SYN3: variants seen among roughly 807,000 people sequenced by gnomAD.
SYN3 encodes synapsin III.
In SYN3, 35 loss-of-function variants were observed where a neutral mutation model predicts 65.8. The observed-to-expected ratio is 0.53, with a 90% CI of 0.41 to 0.70. The LOEUF (loss-of-function observed/expected upper bound fraction) is 0.70, where lower values mean the gene tolerates loss of function less well. Ranked by LOEUF, SYN3 falls within the 30% of genes least tolerant of loss-of-function variation. SYN3 has a pLI of 0.00. For missense variants in SYN3, 680 were observed against 749.0 expected, an observed-to-expected ratio of 0.91 and a Z score of 1.08; for synonymous variants, 270 against 292.9, an observed-to-expected ratio of 0.92 and a Z score of 0.80.
intron 1 of SYN3, among the ~76,000 whole-genome samples, chr22:33,033,707 G>C (rs563996625): frequency 7.8e-4 from 118 of 152,206 alleles, no homozygotes; most frequent in African/African-American, 2.0e-3. Flanking sequence ...CTGGGAGAGA[G>C]ATTCCTGTGG....
chr22:32,676,017 A>G (rs1387433201), intron 6 of SYN3, among the ~76,000 whole-genome samples: 2 of 151,382 alleles, frequency 1.3e-5, no homozygotes, highest in African/African-American at 2.4e-5. Flanking sequence ...TCAATCCCCT[A>G]TCCAGTGGTC....
intron 6 of SYN3, among the ~76,000 whole-genome samples, chr22:32,660,496 A>T (rs1388606427): frequency 6.6e-6 from 1 of 152,160 alleles, no homozygotes. Flanking sequence ...TGGAGGGAAG[A>T]GACCACTTCC....
intron 7 of SYN3, among the ~76,000 whole-genome samples, chr22:32,557,585 C>G (rs1244818935): frequency 6.6e-6 from 1 of 152,200 alleles, no homozygotes; most frequent in Non-Finnish European, 1.5e-5. Context: ...CGTATCCAGA[C>G]AAGCCCTGTC....
chr22:32,752,489 G>A lies in SYN3; in HGVS notation c.711+112426C>T, dbSNP rs148769587. 2.1e-4 allele frequency among the ~76,000 whole-genome samples: 32 copies of A among 152,274 alleles called. No homozygotes were observed. In the East Asian group the frequency reaches 2.7e-3, roughly 13 times the overall value. On this transcript the variant is annotated intron_variant, in intron 6 of 13. Transcript: ENST00000358763. ...GCACAAGGTTGTGGGTCTGAGCTGC[G>A]ATTAAATTAAAATGACTCATTAAAT...
intron 7 of SYN3, among the ~76,000 whole-genome samples, chr22:32,572,458 T>TCCTTCCCTCCCTTCCTCCCTCCCTC: frequency 8.4e-6 from 1 of 119,652 alleles, no homozygotes; most frequent in Non-Finnish European, 1.8e-5. Flanking sequence ...TTTCCTCCCT[T>TCCTTCCCTCCCTTCCTCCCTCCCTC]CCTTCCTTCT....
chr22:32,938,540 AAAAAAG>A (rs970152953), intron 3 of SYN3, among the ~76,000 whole-genome samples: 6 of 151,906 alleles, frequency 3.9e-5, no homozygotes, highest in Non-Finnish European at 7.4e-5. Context: ...AGAAAAAAAA[AAAAAAG>A]AAAAAGAAAA....
At chr22:32,853,821 T>G (rs1189689355) in intron 6 of SYN3, among the ~76,000 whole-genome samples, 1 of 152,182 alleles carries the variant, frequency 6.6e-6, no homozygotes, top group Non-Finnish European at 1.5e-5. Flanking sequence ...TCAAACACCC[T>G]AAGAAGTGCT....
chr22:32,670,616 G>T (rs1204787084), intron 6 of SYN3, among the ~76,000 whole-genome samples: 1 of 152,188 alleles, frequency 6.6e-6, no homozygotes, highest in African/African-American at 2.4e-5. Flanking sequence ...ACAGCATTAG[G>T]CATTGAAGAG....
In SYN3 at chr22:32,837,641, G is replaced by C. The variant is rs2047773456; in HGVS notation, c.711+27274C>G. 6.6e-6 allele frequency among the ~76,000 whole-genome samples: 1 copy of C among 152,130 alleles called. No homozygotes were observed. The highest frequency in any genetic ancestry group is 6.5e-5 in the Admixed American group (1 of 15,268). On this transcript the variant is annotated intron_variant, in intron 6 of 13. Transcript: ENST00000358763. This position sits in a 1 kb window ranked among gnomAD's most constrained non-coding sequence, Gnocchi z 4.1. ...TGCAAAGACCCAGGCTTGTTTCTAG[G>C]GGTTTCTTGGGGCTTCGGGGGCCTC...
intron 1 of SYN3, among the ~76,000 whole-genome samples, chr22:33,029,349 T>C (rs1024733722): frequency 6.6e-6 from 1 of 151,962 alleles, no homozygotes; most frequent in Non-Finnish European, 1.5e-5. Context: ...TTTTTTAATG[T>C]TTATTTTTAT....
At chr22:32,948,285 AG>A (rs1424423969) in intron 3 of SYN3, among the ~76,000 whole-genome samples, 1 of 152,158 alleles carries the variant, frequency 6.6e-6, no homozygotes, top group African/African-American at 2.4e-5. Context: ...CATAGGTTCC[AG>A]GGACTAGGGC....
At chr22:32,586,691 CCG>C (rs2059048214) in intron 7 of SYN3, among the ~76,000 whole-genome samples, 1 of 152,008 alleles carries the variant, frequency 6.6e-6, no homozygotes, top group Non-Finnish European at 1.5e-5. Context: ...CTGAGCAGGT[CCG>C]TGAATGGCCA....
At chr22:32,901,930 T>A (rs868530090) in intron 4 of SYN3, among the ~76,000 whole-genome samples, 6 of 152,350 alleles carry the variant, frequency 3.9e-5, no homozygotes, top group Middle Eastern at 3.4e-3. Context: ...ACAGCCCAGC[T>A]CCTGCCTCCC....
chr22:32,852,329 T>C (rs532675322), intron 6 of SYN3, among the ~76,000 whole-genome samples: 2 of 152,332 alleles, frequency 1.3e-5, no homozygotes, highest in South Asian at 2.1e-4. Context: ...CCACTCCATA[T>C]GTTTTTAGTT....
intron 6 of SYN3, among the ~76,000 whole-genome samples, chr22:32,849,128 G>T (rs776828714): frequency 3.3e-5 from 5 of 152,232 alleles, no homozygotes; most frequent in Non-Finnish European, 7.3e-5. Context: ...AACAGGAGAA[G>T]TAGGTTTTGG....
chr22:32,839,448 G>T (rs746934659), intron 6 of SYN3, among the ~76,000 whole-genome samples: 1 of 152,042 alleles, frequency 6.6e-6, no homozygotes, highest in Admixed American at 6.5e-5. Flanking sequence ...TGAGGTAGTC[G>T]CCTCATTGGA....
At chr22:32,814,339 G>GAAAGAA (rs369652077) in intron 6 of SYN3, among the ~76,000 whole-genome samples, 17 of 10,332 alleles carry the variant, frequency 1.6e-3, no homozygotes, top group Non-Finnish European at 4.5e-3. Flanking sequence ...AAGAAAGAAA[G>GAAAGAA]AGAAAGAAAG....
intron 6 of SYN3, among the ~76,000 whole-genome samples, chr22:32,789,295 TG>T (rs1052741754): frequency 2.0e-5 from 3 of 152,224 alleles, no homozygotes; most frequent in Non-Finnish European, 2.9e-5. Flanking sequence ...AATCTCTTTT[TG>T]AGTTTGTTGA....
intron 6 of SYN3, among the ~76,000 whole-genome samples, chr22:32,850,382 T>C (rs1330497388): frequency 1.3e-5 from 2 of 151,998 alleles, no homozygotes; most frequent in African/African-American, 4.8e-5. Flanking sequence ...CTAAGCACCC[T>C]GGGATGCGGG....
Sources: allele counts gnomAD v4.1 joint callset (sites outside exome capture counted in the v4.1 genomes callset), GRCh38; gene constraint gnomAD v4.1.1; non-coding constraint Gnocchi (gnomAD v3.1); transcripts MANE v1.5; gene names NCBI Gene and HGNC (gene_info 2026-07-23, HGNC 2026-07-21).